Variants in TTLL5 observed in about 807,000 individuals in gnomAD.
The protein encoded by TTLL5 is tubulin tyrosine ligase like 5.
Under a neutral mutation model 168.4 loss-of-function variants are expected in TTLL5, and 132 were observed. The observed-to-expected ratio is 0.78, with a 90% CI of 0.68 to 0.91. The LOEUF is 0.91. Ranked by LOEUF, TTLL5 falls within the 40% of genes least tolerant of loss-of-function variation. The probability of loss-of-function intolerance (pLI) is 0.00; values close to 1 mark genes in which losing one functional copy is unlikely to be tolerated. For missense variants in TTLL5, 1,545 were observed against 1,581.5 expected, an observed-to-expected ratio of 0.98 and a Z score of 0.39; for synonymous variants, 546 against 558.6, an observed-to-expected ratio of 0.98 and a Z score of 0.32.
intron 29 of TTLL5, among the ~76,000 whole-genome samples, chr14:75,869,540 G>A (rs1442747003): frequency 1.1e-4 from 16 of 152,030 alleles, no homozygotes; most frequent in Non-Finnish European, 1.9e-4. Flanking sequence ...CACCAAAGTG[G>A]CCATTTTTTT....
intron 3 of TTLL5, among the ~76,000 whole-genome samples, chr14:75,676,768 C>CTTTTTTTT (rs779894993): frequency 1.4e-5 from 2 of 138,466 alleles, no homozygotes; most frequent in Non-Finnish European, 3.2e-5. Flanking sequence ...TAGCATTTTA[C>CTTTTTTTT]TTTTTTTTTT....
chr14:75,870,553 G>A (rs1333512996), intron 29 of TTLL5, among the ~76,000 whole-genome samples: 1 of 152,156 alleles, frequency 6.6e-6, no homozygotes, highest in African/African-American at 2.4e-5. Flanking sequence ...CCTGACGTTT[G>A]TTCTAGAGGT....
At chr14:75,945,574 A>T (rs2140206334) in intron 31 of TTLL5, among the ~76,000 whole-genome samples, 1 of 152,182 alleles carries the variant, frequency 6.6e-6, no homozygotes, top group East Asian at 1.9e-4. Flanking sequence ...TTTTTAATAA[A>T]CATTCCCTTC....
At chr14:75,788,400 A>T (rs1371021251) in intron 26 of TTLL5, among the ~76,000 whole-genome samples, 1 of 152,132 alleles carries the variant, frequency 6.6e-6, no homozygotes, top group Non-Finnish European at 1.5e-5. Context: ...AAGAGAAGAC[A>T]TGGATAAATA....
intron 28 of TTLL5, among the ~76,000 whole-genome samples, chr14:75,833,681 T>C (rs1342704040): frequency 6.6e-6 from 1 of 152,218 alleles, no homozygotes; most frequent in Non-Finnish European, 1.5e-5. Context: ...ATAGAGTACG[T>C]GCCCAGTAAG....
At chr14:75,936,355 C>G (rs894241454) in intron 31 of TTLL5, among the ~76,000 whole-genome samples, 1 of 152,190 alleles carries the variant, frequency 6.6e-6, no homozygotes, top group African/African-American at 2.4e-5. Context: ...TCAGTTCTAC[C>G]TTCAAGTTTT....
Position 75,882,682 on chromosome 14 carries a change from T to G in TTLL5, c.3523-3T>G, listed in dbSNP as rs1201077396. ...GATCATTTTTTTCCTTTTTTTTTTG[T>G]AGGCAATCTTTGGCAGCCAGACACT... On this transcript the variant is annotated splice_polypyrimidine_tract_variant and splice_region_variant and intron_variant, in intron 29 of 31. Coordinates refer to ENST00000298832, the MANE Select transcript of TTLL5 (RefSeq NM_015072.5). The G allele has an allele frequency of 1.9e-6, 3 of 1,602,394 alleles. No homozygotes were observed. The highest frequency in any genetic ancestry group is 2.6e-6 in the Non-Finnish European group (3 of 1,174,774).
At chr14:75,840,687 G>A (rs1896178320) in intron 28 of TTLL5, among the ~76,000 whole-genome samples, 1 of 151,998 alleles carries the variant, frequency 6.6e-6, no homozygotes, top group African/African-American at 2.4e-5. Flanking sequence ...CATTCTATAG[G>A]GTTTATAATG....
intron 29 of TTLL5, among the ~76,000 whole-genome samples, chr14:75,872,393 TAAGA>T (rs2031107952): frequency 6.6e-6 from 1 of 152,224 alleles, no homozygotes; most frequent in Non-Finnish European, 1.5e-5. Flanking sequence ...ATAACATAAA[TAAGA>T]AAGGCAGCAT....
intron 7 of TTLL5, among the ~76,000 whole-genome samples, chr14:75,703,412 G>T (rs1413876415): frequency 6.6e-6 from 1 of 152,180 alleles, no homozygotes; most frequent in African/African-American, 2.4e-5. Context: ...GAGAAGTGTG[G>T]ACCACAGATG....
chr14:75,757,177 C>G (rs984588555), intron 18 of TTLL5, among the ~76,000 whole-genome samples: 1 of 152,082 alleles, frequency 6.6e-6, no homozygotes, highest in Non-Finnish European at 1.5e-5. Flanking sequence ...AGGGTTTCAC[C>G]GTATTGCCCA....
intron 30 of TTLL5, among the ~76,000 whole-genome samples, chr14:75,889,825 T>TA (rs1183125823): frequency 8.5e-4 from 28 of 32,928 alleles, no homozygotes; most frequent in African/African-American, 1.7e-3. Context: ...GCGAGACTCT[T>TA]AAAAAAAAAA....
chr14:75,941,267 G>A (rs1223151644), intron 31 of TTLL5, among the ~76,000 whole-genome samples: 2 of 152,302 alleles, frequency 1.3e-5, no homozygotes, highest in East Asian at 1.9e-4. Context: ...TGGATCTGAT[G>A]TTCTTGTGCC....
intron 31 of TTLL5, among the ~76,000 whole-genome samples, chr14:75,940,325 C>T (rs956732462): frequency 6.6e-6 from 1 of 151,672 alleles, no homozygotes; most frequent in South Asian, 2.1e-4. Context: ...ATGATCCACC[C>T]GCCTCGGCCT....
intron 21 of TTLL5, among the ~76,000 whole-genome samples, chr14:75,773,927 T>TAGAGAGAGAGAG (rs1266575647): frequency 5.7e-4 from 12 of 21,122 alleles, no homozygotes; most frequent in African/African-American, 1.2e-3. Context: ...TATATATATA[T>TAGAGAGAGAGAG]AGAGAGAGAG....
chr14:75,847,403 G>T (rs1454567544), intron 28 of TTLL5, among the ~76,000 whole-genome samples: 1 of 151,926 alleles, frequency 6.6e-6, no homozygotes, highest in Non-Finnish European at 1.5e-5. Context: ...CTCTTGGTTT[G>T]TGAGAAATTT....
chr14:75,837,738 C>T (rs1041964023), intron 28 of TTLL5, among the ~76,000 whole-genome samples: 12 of 152,172 alleles, frequency 7.9e-5, no homozygotes, highest in African/African-American at 2.7e-4. Flanking sequence ...GCATAATATC[C>T]TCAGGGTTTA....
At chr14:75,887,733 C>T (rs1027842139) in intron 30 of TTLL5, among the ~76,000 whole-genome samples, 3 of 152,168 alleles carry the variant, frequency 2.0e-5, no homozygotes, top group African/African-American at 7.2e-5. Context: ...TCTGTCTGTA[C>T]AGCAAATGGC....
intron 12 of TTLL5, among the ~76,000 whole-genome samples, chr14:75,729,629 T>C (rs1888406965): frequency 6.6e-6 from 1 of 152,184 alleles, no homozygotes; most frequent in African/African-American, 2.4e-5. Flanking sequence ...TATAATGCTG[T>C]CACATACCAA....
Sources: gnomAD v4.1 joint callset for allele counts (sites outside exome capture counted in the v4.1 genomes callset) on GRCh38, gnomAD v4.1.1 for gene constraint, MANE v1.5 for transcripts, NCBI Gene and HGNC (gene_info 2026-07-23, HGNC 2026-07-21) for gene names.